Variants in HAS2 observed in about 807,000 individuals in gnomAD.
The protein encoded by HAS2 is HA synthase 2.
A neutral mutation model predicts 51.6 loss-of-function variants in HAS2; 16 were observed. The ratio of observed to expected loss-of-function variants is 0.31; its 90% CI spans 0.21 to 0.47. The LOEUF (loss-of-function observed/expected upper bound fraction) is 0.47, where lower values mean the gene tolerates loss of function less well. HAS2 is among the 20% of genes least tolerant of loss of function. The probability of loss-of-function intolerance (pLI) is 1.00; values close to 1 mark genes in which losing one functional copy is unlikely to be tolerated. For missense variants in HAS2, 361 were observed against 662.6 expected (o/e 0.54, Z 5.00); for synonymous variants, 228 against 235.5 (o/e 0.97, Z 0.29).
In HAS2 at chr8:121,628,812, A is replaced by G; in HGVS notation, c.529T>C (p.Ser177Pro). 2 of 1,614,100 alleles carry G rather than the reference A, an allele frequency of 1.2e-6. No individual in the cohort carries two copies. The highest frequency in any genetic ancestry group is 1.7e-6 in the Non-Finnish European group (2 of 1,179,962). Residue 177 changes from serine to proline, a missense_variant, in exon 2 of 4, where the codon TCC becomes CCC. Ser to Pro is a moderately conservative substitution (Grantham distance 74). Around this residue, in one of 5 missense-constraint regions of HAS2, gnomAD observed 145 missense variants for 217.6 expected, o/e 0.67. Transcript: ENST00000303924. ...TGCATGATGCAGATACTTTTGTTGG[A>G]CAAGACCAATTGCGTTACGTGTTGC... ...SSQHVTQLVL[S>P]NKSICIMQKW...
intron 2 of HAS2, among the ~76,000 whole-genome samples, chr8:121,627,646 C>T (rs1040756105): frequency 1.4e-4 from 21 of 152,198 alleles, no homozygotes; most frequent in African/African-American, 5.1e-4. Flanking sequence ...GGTGGTCTTG[C>T]CCACGGTCAA....
chr8:121,628,273 T>C (rs929694932), intron 2 of HAS2, among the ~76,000 whole-genome samples: 2 of 152,116 alleles, frequency 1.3e-5, no homozygotes, highest in Non-Finnish European at 2.9e-5. Flanking sequence ...TTGCAGTCTC[T>C]GTGAAAAACA....
chr8:121,618,633 C>T (rs902914046), intron 2 of HAS2, among the ~76,000 whole-genome samples: 1 of 152,138 alleles, frequency 6.6e-6, no homozygotes, highest in South Asian at 2.1e-4. Flanking sequence ...ACTAATTGGA[C>T]ATATTATTTT....
chr8:121,620,316 C>A (rs1812756667), intron 2 of HAS2, among the ~76,000 whole-genome samples: 1 of 152,154 alleles, frequency 6.6e-6, no homozygotes, highest in African/African-American at 2.4e-5. Flanking sequence ...CAAGAACAGG[C>A]TTTCTAGCCA....
intron 2 of HAS2, among the ~76,000 whole-genome samples, chr8:121,621,240 G>C (rs961815831): frequency 2.0e-5 from 3 of 152,178 alleles, no homozygotes; most frequent in Admixed American, 6.5e-5. Context: ...TTTTGCAAAA[G>C]CTGTCTCCAT....
At chr8:121,621,070 T>C (rs1201662910) in intron 2 of HAS2, among the ~76,000 whole-genome samples, 6 of 152,294 alleles carry the variant, frequency 3.9e-5, no homozygotes, top group Non-Finnish European at 8.8e-5. Flanking sequence ...AGAGACCATA[T>C]AGCCTGCAAA....
rs1812663159 is a variant in HAS2 at position 121,613,479 on chromosome 8, TA to T, written c.*629del. 6.6e-6 allele frequency: 1 copy of T among 152,616 alleles called. No homozygotes were observed. The highest frequency in any genetic ancestry group is 1.5e-5 in the Non-Finnish European group (1 of 68,044). 9.5% of individuals were successfully genotyped at this position (152,616 alleles called of 1,614,324 possible). A position where few individuals can be genotyped will look rare whatever the true frequency, so the allele number is the denominator to read the frequency against. ...GCTTCACATTTTGGGCAGGATTTTT[TA>T]AGTATAAATTTTTTAAGAACTTATT... On this transcript the variant is annotated 3_prime_UTR_variant, in exon 4 of 4. Transcript: ENST00000303924.
chr8:121,614,261 G>A lies in HAS2; in HGVS notation c.1507C>T (p.Pro503Ser). The change falls in exon 4 of 4, where the codon CCA (proline) becomes TCA (serine). Residue 503 changes from proline to serine, a missense_variant. This residue lies in a region of HAS2 where 61 missense variants were observed against 73.1 expected (regional missense o/e 0.84). Transcript: ENST00000303924. This position sits in a 1 kb window ranked among gnomAD's most constrained non-coding sequence, Gnocchi z 7.2. ...ACTGTCTGTTTGGATTCTGAAAATG[G>A]CCTTTTAGACTCCTTATAAATGGTG... is the stretch of plus-strand genomic sequence containing the variant. ...IFTIYKESKR[P>S]FSESKQTVLI... The A allele has an allele frequency of 6.2e-7, 1 of 1,614,004 alleles. No homozygotes were observed. The highest frequency in any genetic ancestry group is 8.5e-7 in the Non-Finnish European group (1 of 1,179,900).
chr8:121,618,605 C>A (rs748724994), intron 2 of HAS2, among the ~76,000 whole-genome samples: 1 of 152,146 alleles, frequency 6.6e-6, no homozygotes, highest in Non-Finnish European at 1.5e-5. Context: ...TCCCCATCTC[C>A]CTATCCCTCC....
chr8:121,640,446 G>GTGC (rs1563625817), intron 1 of HAS2, among the ~76,000 whole-genome samples: 39 of 121,770 alleles, frequency 3.2e-4, no homozygotes, highest in African/African-American at 1.1e-3. Context: ...TGTGTGTGTG[G>GTGC]GAAAAAAAGA....
At chr8:121,615,094 ACCTGTT>A in intron 3 of HAS2, 56 bp from the exon 4 acceptor site, 1 of 1,259,908 alleles carries the variant, frequency 7.9e-7, no homozygotes, top group South Asian at 1.4e-5. Flanking sequence ...TTCCAGCAAA[ACCTGTT>A]CCATCCTGAG....
chr8:121,633,912 GTTT>G (rs540276424), intron 1 of HAS2, among the ~76,000 whole-genome samples: 1 of 135,218 alleles, frequency 7.4e-6, no homozygotes. Context: ...GTTTTTTTGG[GTTT>G]TTTTTTTTTT....
chr8:121,634,704 A>G (rs888434729), intron 1 of HAS2, among the ~76,000 whole-genome samples: 4 of 151,948 alleles, frequency 2.6e-5, no homozygotes, highest in Non-Finnish European at 5.9e-5. Flanking sequence ...GGCAATGAAT[A>G]TGTAGTAGAG....
chr8:121,624,485 G>A (rs567744007), intron 2 of HAS2, among the ~76,000 whole-genome samples: 58 of 152,300 alleles, frequency 3.8e-4, no homozygotes, highest in African/African-American at 1.4e-3. Flanking sequence ...ACGTTTTACT[G>A]AGTAGACAAA....
At position 121,612,430 on chromosome 8, in the gene HAS2, G is replaced by A. The variant is rs545662326; in HGVS notation, c.*1679C>T. On this transcript the variant is annotated 3_prime_UTR_variant, in exon 4 of 4. Transcript: ENST00000303924. ...GGATGTGCAGCTTTTTCTTAGGCAG[G>A]ATAGATGTAACATAGATGACTGCAT... The A allele has an allele frequency of 4.6e-5, 7 of 152,218 alleles. No homozygotes were observed. In the South Asian group the frequency reaches 1.0e-3, roughly 23 times the overall value. The allele number at this position is 152,218 out of a possible 1,614,324, so 9.4% of individuals were successfully genotyped here.
intron 1 of HAS2, among the ~76,000 whole-genome samples, chr8:121,636,706 A>G (rs943261295): frequency 6.6e-6 from 1 of 152,138 alleles, no homozygotes; most frequent in Non-Finnish European, 1.5e-5. Context: ...TTACCAAATG[A>G]CTTGACATGG....
At chr8:121,617,028 T>TTCAATGAG in intron 3 of HAS2, 77 bp downstream of exon 3, 1 of 804,908 alleles carries the variant, frequency 1.2e-6, no homozygotes, top group South Asian at 1.5e-5. Context: ...TAAATGTATG[T>TTCAATGAG]TCAATGAGTC....
intron 2 of HAS2, among the ~76,000 whole-genome samples, chr8:121,619,385 C>T (rs1812746708): frequency 6.6e-6 from 1 of 151,990 alleles, no homozygotes; most frequent in African/African-American, 2.4e-5. Context: ...GAACCTATCA[C>T]CCTTCTAGGT....
intron 1 of HAS2, among the ~76,000 whole-genome samples, chr8:121,638,702 T>C (rs1813046020): frequency 1.3e-5 from 2 of 152,170 alleles, no homozygotes; most frequent in Non-Finnish European, 2.9e-5. Context: ...CGCCAAACTA[T>C]TGGGAAAACT....
Sources: allele counts gnomAD v4.1 joint callset (sites outside exome capture counted in the v4.1 genomes callset), GRCh38; gene constraint gnomAD v4.1.1; regional missense constraint gnomAD v4.1.1; non-coding constraint Gnocchi (gnomAD v3.1); transcripts MANE v1.5; gene names NCBI Gene and HGNC (gene_info 2026-07-23, HGNC 2026-07-21).